GREP1: variants seen among roughly 807,000 people sequenced by gnomAD.
GREP1 encodes glycine rich extracellular protein 1.
chr16:2,991,059 G>A lies in GREP1; in HGVS notation c.280G>A (p.Gly94Arg), dbSNP rs374812467. 9.8e-5 allele frequency: 39 copies of A among 398,964 alleles called. No homozygotes were observed. Among genetic ancestry groups the A allele is most frequent in the African/African-American group, 1.6e-4 (8 of 48,562 alleles). The allele number at this position is 398,964 out of a possible 1,614,324, so 24.7% of individuals were successfully genotyped here. Residue 94 changes from glycine to arginine, a missense_variant, in exon 8 of 35, where the codon GGG (glycine) becomes AGG (arginine). Transcript: ENST00000573315. The surrounding 1 kb of genome is among the most constrained non-coding windows in gnomAD (Gnocchi z 4.9). ...CTCTGTCTCCCCAGGATATGGAAAC[G>A]GGCTGGGAGCAGCGGCCTTCCCAGT...
rs1052996087 is a variant in GREP1, at chr16:2,990,125, G to C, written c.199+3G>C. ...GCATGGGCTGGGAACCCAGCCAGGT[G>C]AGAGCCGTGGGGTCCCCTCCTTCCC... On this transcript the variant is annotated splice_donor_region_variant and intron_variant, in intron 5 of 34. Transcript: ENST00000573315. The C allele has an allele frequency of 7.5e-6, 3 of 399,164 alleles. No individual in the cohort carries two copies. The highest frequency in any genetic ancestry group is 1.3e-5 in the Non-Finnish European group (3 of 226,190). 24.7% of individuals were successfully genotyped at this position (399,164 alleles called of 1,614,324 possible). A position where few individuals can be genotyped will look rare whatever the true frequency, so the allele number is the denominator to read the frequency against.
At position 2,994,643 on chromosome 16, in the gene GREP1, G is replaced by A. The variant is rs73484365; in HGVS notation, c.386-55G>A. On this transcript the variant is annotated intron_variant, in intron 10 of 34. Coordinates refer to ENST00000573315, the Ensembl canonical transcript of GREP1. ...GGTGGGGACACCCCTGCCCGAGGTG[G>A]CTGGAGATGGCATCCAGGGCTCCGG... 1,702 of 398,986 alleles carry A rather than the reference G, an allele frequency of 4.3e-3. 23 individuals are homozygous for A. The highest frequency in any genetic ancestry group is 0.031 in the African/African-American group (1,533 of 48,768). The allele number at this position is 398,986 out of a possible 1,614,324, so 24.7% of individuals were successfully genotyped here. A position where few individuals can be genotyped will look rare whatever the true frequency, so the allele number is the denominator to read the frequency against.
rs1235907784 is a variant in GREP1, at chr16:3,000,553, G to A, written c.1358-1G>A. On this transcript the variant is annotated splice_acceptor_variant, in intron 31 of 34. Coordinates refer to ENST00000573315, the Ensembl canonical transcript of GREP1. LOFTEE classifies it high-confidence loss of function. ...GCGGGAATGACCAGAGTCTCTTGGA[G>A]GGGATGGGGTGGAAGCTCTGGTGTA... 1.5e-5 allele frequency: 6 copies of A among 398,950 alleles called. No individual in the cohort carries two copies. Among genetic ancestry groups the A allele is most frequent in the Non-Finnish European group, 1.3e-5 (3 of 226,206 alleles). 24.7% of individuals were successfully genotyped at this position (398,950 alleles called of 1,614,324 possible).
chr16:2,989,843 C>T lies in GREP1; in HGVS notation c.131-131C>T, dbSNP rs1406845583. ...GAGGCTGATAGCACCCACCTGTGCCCCACAGCCCTCCCCCATCATGGGAAG... is the reference window on the plus strand; with the variant it reads ...GAGGCTGATAGCACCCACCTGTGCCTCACAGCCCTCCCCCATCATGGGAAG... On this transcript the variant is annotated intron_variant, in intron 3 of 34. Coordinates refer to ENST00000573315, the Ensembl canonical transcript of GREP1. The surrounding 1 kb of genome is among the most constrained non-coding windows in gnomAD (Gnocchi z 4.2). The T allele has an allele frequency of 5.0e-6, 2 of 398,136 alleles. No homozygotes were observed. The highest frequency in any genetic ancestry group is 8.8e-6 in the Non-Finnish European group (2 of 226,140). 24.7% of individuals were successfully genotyped at this position (398,136 alleles called of 1,614,324 possible). A position where few individuals can be genotyped will look rare whatever the true frequency, so the allele number is the denominator to read the frequency against.
At chr16:2,994,811 G>A (rs2072416347) in exon 12 of GREP1, 1 of 399,156 alleles carries the variant, frequency 2.5e-6, no homozygotes, top group Non-Finnish European at 4.4e-6. Context: ...ACCAGGCTAT[G>A]TGGGGGCCGT....
At chr16:2,999,405 T>G (rs933038058) in intron 27 of GREP1, 2 of 351,898 alleles carry the variant, frequency 5.7e-6, no homozygotes, top group Non-Finnish European at 1.0e-5. Context: ...TCCATCACCC[T>G]TTTTCCCTAG....
chr16:2,990,664 G>A (rs912864073), intron 7 of GREP1, 77 bp downstream of exon 6: 14 of 398,690 alleles, frequency 3.5e-5, no homozygotes, highest in African/African-American at 2.9e-4. Context: ...GTGGGGGAGG[G>A]AATGCAGCCA....
chr16:2,994,636 C>T (rs763673072), intron 10 of GREP1, 62 bp from the exon 12 acceptor site: 13 of 398,758 alleles, frequency 3.3e-5, no homozygotes, highest in African/African-American at 8.2e-5. Context: ...CACCCCTGCC[C>T]GAGGTGGCTG....
rs1388712974 is a variant in GREP1, at chr16:2,992,558, C to T, written c.323-247C>T. ...ATTCACCCAATCTCCCCTGAGCACC[C>T]GTCCCAAGCCAGGCCTCGGCTGGCC... On this transcript the variant is annotated intron_variant, in intron 8 of 34. Coordinates refer to ENST00000573315, the Ensembl canonical transcript of GREP1. The surrounding 1 kb of genome is among the most constrained non-coding windows in gnomAD (Gnocchi z 4.9). 5.6e-6 allele frequency: 2 copies of T among 356,210 alleles called. No individual in the cohort carries two copies. Among genetic ancestry groups the T allele is most frequent in the African/African-American group, 4.2e-5 (2 of 47,736 alleles). 22.1% of individuals were successfully genotyped at this position (356,210 alleles called of 1,614,324 possible). A position where few individuals can be genotyped will look rare whatever the true frequency, so the allele number is the denominator to read the frequency against.
intron 18 of GREP1, 44 bp from the exon 18 acceptor site, chr16:2,996,452 C>G: frequency 5.0e-6 from 2 of 399,044 alleles, no homozygotes; most frequent in Non-Finnish European, 8.8e-6. Flanking sequence ...CTGACACCCC[C>G]TCCGAATGCC....
intron 27 of GREP1, chr16:2,999,403 C>G (rs1348070132): frequency 7.5e-6 from 3 of 397,448 alleles, no homozygotes; most frequent in African/African-American, 2.1e-5. Flanking sequence ...CCTCCATCAC[C>G]CTTTTTCCCT....
chr16:2,989,797 A>AGAGGGAAGGAGG lies in GREP1; in HGVS notation c.131-164_131-153dup, dbSNP rs547969777. On this transcript the variant is annotated intron_variant, in intron 3 of 34. Coordinates refer to ENST00000573315, the Ensembl canonical transcript of GREP1. The surrounding 1 kb of genome is among the most constrained non-coding windows in gnomAD (Gnocchi z 4.2). ...AGGAAAGAGAGCAGAAAGGAAGGAG[A>AGAGGGAAGGAGG]GAGGGAAGGAGGGAGGGAAGGAGGC... Among the ~76,000 whole-genome samples the AGAGGGAAGGAGG allele has an allele frequency of 3.3e-5, 5 of 151,346 alleles. No homozygotes were observed. Among genetic ancestry groups the AGAGGGAAGGAGG allele is most frequent in the East Asian group, 2.0e-4 (1 of 5,120 alleles).
At chr16:2,995,746 A>G in exon 17 of GREP1, 1 of 398,568 alleles carries the variant, frequency 2.5e-6, no homozygotes, top group Non-Finnish European at 4.4e-6. Flanking sequence ...CAGGCCTTGG[A>G]GGGAATGTGA....
At chr16:2,999,044 C>T (rs1246345864) in intron 26 of GREP1, 65 bp downstream of exon 24, 1 of 398,908 alleles carries the variant, frequency 2.5e-6, no homozygotes, top group African/African-American at 2.1e-5. Context: ...GGGTCAGGGC[C>T]TGGCTGCCAT....
chr16:3,000,810 A>C (rs2072457451), exon 33 of GREP1: 1 of 399,098 alleles, frequency 2.5e-6, no homozygotes, highest in African/African-American at 2.1e-5. Context: ...GAATATGCTG[A>C]GGCCAGGAGC....
chr16:2,989,227 C>T lies in GREP1; in HGVS notation c.101-296C>T, dbSNP rs2072386698. On this transcript the variant is annotated intron_variant, in intron 2 of 34. Transcript: ENST00000573315. This position sits in a 1 kb window ranked among gnomAD's most constrained non-coding sequence, Gnocchi z 4.2. ...CCAGAGCCCTGGCTCAGACACCTTC[C>T]TCCAGGCCCAGGGGCCCTCTAGCCT... 2.7e-6 allele frequency: 1 copy of T among 365,434 alleles called. No individual in the cohort carries two copies. The highest frequency in any genetic ancestry group is 4.9e-6 in the Non-Finnish European group (1 of 205,338). 22.6% of individuals were successfully genotyped at this position (365,434 alleles called of 1,614,324 possible).
intron 23 of GREP1, among the ~76,000 whole-genome samples, chr16:2,998,041 G>A (rs936456100): frequency 4.5e-5 from 6 of 133,708 alleles, no homozygotes; most frequent in South Asian, 5.3e-4. Flanking sequence ...AACGGACAGA[G>A]TTGGGTCTCA....
At chr16:2,988,972 G>C (rs1017734586) in intron 2 of GREP1, 2 of 310,186 alleles carry the variant, frequency 6.4e-6, no homozygotes, top group African/African-American at 4.3e-5. Context: ...TGAGGGGCAG[G>C]AGGTGGAGTG....
chr16:2,997,693 C>A (rs1050007960), intron 22 of GREP1, 110 bp from the exon 21 acceptor site: 38 of 398,272 alleles, frequency 9.5e-5, no homozygotes, highest in Middle Eastern at 6.2e-4. Flanking sequence ...GGTCATGGAC[C>A]AGGAAGGGGA....
Sources: allele counts gnomAD v4.1 joint callset (sites outside exome capture counted in the v4.1 genomes callset), GRCh38; gene constraint gnomAD v4.1.1; non-coding constraint Gnocchi (gnomAD v3.1); transcripts MANE v1.5; gene names NCBI Gene and HGNC (gene_info 2026-07-23, HGNC 2026-07-21).